Variants in FGD5 observed in about 807,000 individuals in gnomAD.
FGD5 encodes the protein FYVE, RhoGEF and PH domain containing 5.
A neutral mutation model predicts 133.4 loss-of-function variants in FGD5; 28 were observed. That is an observed-to-expected ratio of 0.21 (90% CI 0.16 to 0.29). The LOEUF (loss-of-function observed/expected upper bound fraction) is 0.29, where lower values mean the gene tolerates loss of function less well. FGD5 is among the 10% of genes least tolerant of loss of function. FGD5 has a pLI of 1.00. For synonymous variants in FGD5, 810 were observed against 776.5 expected (o/e 1.04, Z -0.72); for missense variants, 1,858 against 1,895.2 (o/e 0.98, Z 0.36).
chr3:14,870,404 C>T (rs761780934), intron 2 of FGD5, among the ~76,000 whole-genome samples: 46 of 152,318 alleles, frequency 3.0e-4, no homozygotes, highest in Middle Eastern at 3.4e-3. Flanking sequence ...GCTGCACAAC[C>T]CTCTTGATAC....
At chr3:14,828,021 G>A (rs11921711) in intron 1 of FGD5, among the ~76,000 whole-genome samples, 149 of 152,294 alleles carry the variant, frequency 9.8e-4, no homozygotes, top group African/African-American at 3.2e-3. Context: ...TGCAGCATGC[G>A]TATGAGGAGA....
upstream of FGD5, chr3:14,818,843 A>C: frequency 8.3e-7 from 1 of 1,205,166 alleles, no homozygotes; most frequent in African/African-American, 1.6e-5. Context: ...GGTGGGCTTC[A>C]CATGGATGGA....
At position 14,922,144 on chromosome 3, in the gene FGD5, C is replaced by A. The variant is rs543453851; in HGVS notation, c.3669+127C>A. 9.1e-6 allele frequency: 10 copies of A among 1,100,788 alleles called. No homozygotes were observed. Among genetic ancestry groups the A allele is most frequent in the African/African-American group, 6.2e-5 (4 of 64,822 alleles). 68.2% of individuals were successfully genotyped at this position (1,100,788 alleles called of 1,614,324 possible). Reference sequence around the variant, plus strand: ...CCTGTCTTGGGGCACTGGCTCCCCCCACACCCCTGCCATGCTCCCACCCTA... The same window carrying A: ...CCTGTCTTGGGGCACTGGCTCCCCCAACACCCCTGCCATGCTCCCACCCTA... On this transcript the variant is annotated intron_variant, in intron 14 of 19. Coordinates refer to ENST00000285046, the MANE Select transcript of FGD5 (RefSeq NM_152536.4). The surrounding 1 kb of genome is among the most constrained non-coding windows in gnomAD (Gnocchi z 4.1).
chr3:14,857,131 G>A (rs1575211838), intron 1 of FGD5, among the ~76,000 whole-genome samples: 1 of 151,400 alleles, frequency 6.6e-6, no homozygotes, highest in South Asian at 2.1e-4. Context: ...TTAAACTCTT[G>A]AAATAATGGT....
chr3:14,840,827 T>C (rs1473385481), intron 1 of FGD5, among the ~76,000 whole-genome samples: 1 of 152,248 alleles, frequency 6.6e-6, no homozygotes, highest in Non-Finnish European at 1.5e-5. Context: ...GTATATAGTG[T>C]GTGTGTTACA....
chr3:14,825,977 G>A (rs1409332199), intron 1 of FGD5, among the ~76,000 whole-genome samples: 1 of 149,594 alleles, frequency 6.7e-6, no homozygotes, highest in Middle Eastern at 3.2e-3. Context: ...TGGATGCTTT[G>A]TATACAGTTA....
chr3:14,860,537 G>T (rs1172997293), intron 1 of FGD5, among the ~76,000 whole-genome samples: 3 of 152,214 alleles, frequency 2.0e-5, no homozygotes, highest in Non-Finnish European at 2.9e-5. Context: ...ATCTGCATGG[G>T]CTCCACGACT....
rs1047071109 is a variant in FGD5 at position 14,898,776 on chromosome 3, G to A, written c.3104G>A (p.Arg1035Gln). The A allele has an allele frequency of 5.0e-6, 8 of 1,584,634 alleles. No individual in the cohort carries two copies. The highest frequency in any genetic ancestry group is 2.3e-5 in the East Asian group (1 of 43,092). Residue 1035 changes from arginine to glutamine, a missense_variant, in exon 7 of 20, where the codon CGG becomes CAG. By Grantham distance (43) the Arg-to-Gln change is conservative. Coordinates refer to ENST00000285046, the MANE Select transcript of FGD5 (RefSeq NM_152536.4). ...GGAGGCAGCCAGACTGCGAAGCATC[G>A]GCTGCTGCGGGTGGTTCAACGCCTC... is the stretch of plus-strand genomic sequence containing the variant. ...VQGGSQTAKH[R>Q]LLRVVQRLFQ... is the part of the protein sequence containing the mutation.
chr3:14,826,313 T>C (rs9854401), intron 1 of FGD5, among the ~76,000 whole-genome samples: 1 of 151,940 alleles, frequency 6.6e-6, no homozygotes, highest in African/African-American at 2.4e-5. Flanking sequence ...TCCCCTCTTC[T>C]CCTCTGCCCC....
Position 14,922,622 on chromosome 3 carries a change from G to C in FGD5, c.3807+74G>C, listed in dbSNP as rs757140580. 5 of 1,513,416 alleles carry C rather than the reference G, an allele frequency of 3.3e-6. No homozygotes were observed. The African/African-American group carries it at 4.1e-5, about 12-fold the overall frequency. The allele number at this position is 1,513,416 out of a possible 1,614,324, so 93.7% of individuals were successfully genotyped here. A position where few individuals can be genotyped will look rare whatever the true frequency, so the allele number is the denominator to read the frequency against. ...GAAGGGCATGTCCCTGCCCAGCCGG[G>C]GGCTCAGGGATGTCCAGCAGCTACT... On this transcript the variant is annotated intron_variant, in intron 15 of 19. Coordinates refer to ENST00000285046, the MANE Select transcript of FGD5 (RefSeq NM_152536.4). The surrounding 1 kb of genome is among the most constrained non-coding windows in gnomAD (Gnocchi z 4.1).
In FGD5 at chr3:14,820,527, T is replaced by C; in HGVS notation, c.1456T>C (p.Ser486Pro). 3.7e-6 allele frequency: 6 copies of C among 1,613,760 alleles called. No homozygotes were observed. Among genetic ancestry groups the C allele is most frequent in the Non-Finnish European group, 5.1e-6 (6 of 1,179,800 alleles). Reference protein sequence around the residue: ...KNTSTRVRPHSGKVAGYVPET... With the variant: ...KNTSTRVRPHPGKVAGYVPET... ...CACCAGCACGAGGGTCCGGCCCCAC[T>C]CTGGGAAGGTGGCCGGCTATGTCCC... Residue 486 changes from serine to proline, a missense_variant, in exon 1 of 20, where the codon TCT (serine) becomes CCT (proline). Ser to Pro is a moderately conservative substitution (Grantham distance 74). This residue lies in a region of FGD5 where 1,824 missense variants were observed against 1,848.9 expected (regional missense o/e 0.99). Coordinates refer to ENST00000285046, the MANE Select transcript of FGD5 (RefSeq NM_152536.4).
chr3:14,843,701 TTTG>T (rs1283959959), intron 1 of FGD5, among the ~76,000 whole-genome samples: 3 of 142,346 alleles, frequency 2.1e-5, no homozygotes, highest in African/African-American at 8.1e-5. Flanking sequence ...TTTTTTTTTT[TTTG>T]GGGGGAGACA....
At chr3:14,862,252 T>C (rs544283109) in intron 1 of FGD5, among the ~76,000 whole-genome samples, 68 of 152,334 alleles carry the variant, frequency 4.5e-4, no homozygotes, top group African/African-American at 1.6e-3. Context: ...CTGCTCCTGC[T>C]GCCTGAGGTG....
Position 14,922,116 on chromosome 3 carries a change from G to A in FGD5, c.3669+99G>A. 1 of 1,292,740 alleles carries A rather than the reference G, an allele frequency of 7.7e-7. No homozygotes were observed. The highest frequency in any genetic ancestry group is 1.1e-6 in the Non-Finnish European group (1 of 920,934). 80.1% of individuals were successfully genotyped at this position (1,292,740 alleles called of 1,614,324 possible). ...CCACTCACACCCAGATGGACGTGTA[G>A]CTCCTGTCTTGGGGCACTGGCTCCC... On this transcript the variant is annotated intron_variant, in intron 14 of 19. Transcript: ENST00000285046. This position sits in a 1 kb window ranked among gnomAD's most constrained non-coding sequence, Gnocchi z 4.1.
intron 2 of FGD5, among the ~76,000 whole-genome samples, chr3:14,864,832 G>A (rs1166398405): frequency 6.6e-6 from 1 of 152,126 alleles, no homozygotes; most frequent in Non-Finnish European, 1.5e-5. Flanking sequence ...CATCAGTGCT[G>A]ATGGGGATAA....
In FGD5 at chr3:14,819,739, G is replaced by C. The variant is rs1044156733; in HGVS notation, c.668G>C (p.Ser223Thr). The C allele has an allele frequency of 5.9e-6, 9 of 1,536,914 alleles. No homozygotes were observed. In the African/African-American group the frequency reaches 1.1e-4, roughly 19 times the overall value. Residue 223 changes from serine to threonine, a missense_variant, in exon 1 of 20, where the codon AGC (serine) becomes ACC (threonine). Transcript: ENST00000285046. This position sits in a 1 kb window ranked among gnomAD's most constrained non-coding sequence, Gnocchi z 4.1. ...GAGGATGATGAGGAAGGCTGTGCCA[G>C]CACAGACCCAGCAGGGGCAGATGAG... Reference protein sequence around the residue: ...AEEDDEEGCASTDPAGADEGS... With the variant: ...AEEDDEEGCATTDPAGADEGS...
intron 1 of FGD5, among the ~76,000 whole-genome samples, chr3:14,838,075 G>C (rs2036851382): frequency 6.6e-6 from 1 of 152,200 alleles, no homozygotes. Context: ...TCTAGAGACT[G>C]TGGGGAGATT....
At chr3:14,904,956 T>C (rs1209106174) in intron 9 of FGD5, among the ~76,000 whole-genome samples, 6 of 152,146 alleles carry the variant, frequency 3.9e-5, no homozygotes, top group Non-Finnish European at 4.4e-5. Flanking sequence ...GGCTGGCCTT[T>C]ATTTATTTTT....
chr3:14,879,699 T>C (rs546357306), intron 2 of FGD5, among the ~76,000 whole-genome samples: 68 of 152,252 alleles, frequency 4.5e-4, no homozygotes, highest in African/African-American at 1.6e-3. Context: ...TTCACAGTAA[T>C]GATAAGTGTC....
Sources: allele counts gnomAD v4.1 joint callset (sites outside exome capture counted in the v4.1 genomes callset), GRCh38; gene constraint gnomAD v4.1.1; regional missense constraint gnomAD v4.1.1; non-coding constraint Gnocchi (gnomAD v3.1); transcripts MANE v1.5; gene names NCBI Gene and HGNC (gene_info 2026-07-23, HGNC 2026-07-21).